Variants in UBE2D2 observed in about 807,000 individuals in gnomAD.
The protein encoded by UBE2D2 is ubiquitin conjugating enzyme E2 D2.
UBE2D2 carries 2 observed loss-of-function variants against 24.2 expected under a neutral mutation model. The observed-to-expected ratio is 0.08, with a 90% CI of 0.03 to 0.26. The LOEUF (loss-of-function observed/expected upper bound fraction) is 0.26. Among genes scored for constraint, UBE2D2 ranks in the 10% least tolerant of loss-of-function variants. The probability of loss-of-function intolerance (pLI) is 1.00; values close to 1 mark genes in which losing one functional copy is unlikely to be tolerated. For missense variants in UBE2D2, 44 were observed against 177.6 expected (o/e 0.25, Z 4.28); for synonymous variants, 58 against 56.5 (o/e 1.03, Z -0.12).
intron 1 of UBE2D2, chr5:139,599,455 G>A (rs1754026472): frequency 6.6e-6 from 1 of 151,574 alleles, no homozygotes; most frequent in Non-Finnish European, 1.5e-5. Flanking sequence ...AAACAATTTT[G>A]GCCAGGCGCG....
At chr5:139,528,978 G>A (rs763599346) in intron 1 of UBE2D2, among the ~76,000 whole-genome samples, 7 of 152,188 alleles carry the variant, frequency 4.6e-5, no homozygotes, top group Non-Finnish European at 7.3e-5. Flanking sequence ...CATGGCCGAA[G>A]CATGAGGAAA....
At chr5:139,580,614 T>C (rs1471188553) in intron 1 of UBE2D2, among the ~76,000 whole-genome samples, 1 of 152,066 alleles carries the variant, frequency 6.6e-6, no homozygotes, top group Non-Finnish European at 1.5e-5. Context: ...ACCCGGCTAA[T>C]TTCTTGTATT....
intron 1 of UBE2D2, among the ~76,000 whole-genome samples, chr5:139,587,520 A>T (rs978110810): frequency 2.6e-5 from 4 of 151,994 alleles, no homozygotes; most frequent in African/African-American, 9.7e-5. Context: ...CTCTACTAAA[A>T]ATAAAAAAAA....
chr5:139,620,885 G>T (rs1188694901), intron 5 of UBE2D2, among the ~76,000 whole-genome samples: 1 of 152,208 alleles, frequency 6.6e-6, no homozygotes, highest in Non-Finnish European at 1.5e-5. Context: ...TTTGTCAGAG[G>T]CTACTGAACT....
chr5:139,561,029 C>G (rs1349002779), upstream of UBE2D2: 2 of 152,750 alleles, frequency 1.3e-5, no homozygotes, highest in East Asian at 3.8e-4. Context: ...GTCGTGAGAT[C>G]TGGACAACAT....
At chr5:139,539,073 G>A (rs1752723261) in intron 1 of UBE2D2, among the ~76,000 whole-genome samples, 1 of 151,870 alleles carries the variant, frequency 6.6e-6, no homozygotes, top group South Asian at 2.1e-4. Flanking sequence ...CGCCCAGGCT[G>A]GAGTGCAGTG....
chr5:139,623,702 T>A (rs1754561709), intron 6 of UBE2D2: 1 of 351,342 alleles, frequency 2.8e-6, no homozygotes, highest in Non-Finnish European at 5.2e-6. Context: ...TTTTGTTTGT[T>A]TTTTTTTGAG....
intron 1 of UBE2D2, among the ~76,000 whole-genome samples, chr5:139,581,088 G>T (rs1420834375): frequency 6.6e-6 from 1 of 152,140 alleles, no homozygotes; most frequent in South Asian, 2.1e-4. Context: ...GGGGAGGAGA[G>T]GATGGGAAGA....
intron 1 of UBE2D2, among the ~76,000 whole-genome samples, chr5:139,541,209 A>G (rs1409499554): frequency 8.6e-5 from 13 of 151,214 alleles, no homozygotes; most frequent in Non-Finnish European, 1.8e-4. Flanking sequence ...GAGGCAGGAG[A>G]ATCACTTGAA....
At chr5:139,544,433 C>T (rs1014244292) in intron 1 of UBE2D2, among the ~76,000 whole-genome samples, 14 of 151,318 alleles carry the variant, frequency 9.3e-5, no homozygotes, top group Non-Finnish European at 1.9e-4. Flanking sequence ...GGATTACAGG[C>T]GTCCACCACA....
intron 1 of UBE2D2, among the ~76,000 whole-genome samples, chr5:139,531,988 GT>G (rs897368316): frequency 1.1e-4 from 16 of 148,456 alleles, no homozygotes; most frequent in South Asian, 2.1e-4. Flanking sequence ...TCCTGGTTGT[GT>G]TTTTTTTTTA....
At position 139,600,402 on chromosome 5, in the gene UBE2D2, G is replaced by T; in HGVS notation, c.55G>T (p.Ala19Ser). 1 of 1,614,102 alleles carries T rather than the reference G, an allele frequency of 6.2e-7. No individual in the cohort carries two copies. Among genetic ancestry groups the T allele is most frequent in the East Asian group, 2.2e-5 (1 of 44,870 alleles). The change falls in exon 2 of 7, where the codon GCA (alanine) becomes TCA (serine). Residue 19 changes from alanine to serine, a missense_variant. Coordinates refer to ENST00000398733, the MANE Select transcript of UBE2D2 (RefSeq NM_003339.3). Reference protein sequence around the residue: ...ELNDLARDPPAQCSAGPVGDD... With the variant: ...ELNDLARDPPSQCSAGPVGDD... ...GAATGATCTGGCACGGGACCCTCCA[G>T]CACAGTGTTCAGCAGGTCCTGTTGG... is the stretch of plus-strand genomic sequence containing the variant.
chr5:139,594,214 G>A (rs1025660554), intron 1 of UBE2D2, among the ~76,000 whole-genome samples: 1 of 152,086 alleles, frequency 6.6e-6, no homozygotes, highest in Non-Finnish European at 1.5e-5. Context: ...GTAAAGAAGC[G>A]TTAATTTTTA....
rs186755823 is a variant in UBE2D2 at position 139,528,675 on chromosome 5, A to C, written c.-64+2063A>C. Among the ~76,000 whole-genome samples the C allele has an allele frequency of 2.1e-3, 323 of 152,324 alleles. 1 individual carries two copies. The highest frequency in any genetic ancestry group is 7.3e-3 in the African/African-American group (305 of 41,580). On this transcript the variant is annotated intron_variant, in intron 1 of 6. Transcript: ENST00000511725. ...GAAACCATTAGCTAATGAATGCTAG[A>C]CTAACTAGATACCAAAGCTTGCTCT...
chr5:139,582,266 A>AT (rs112910161), intron 1 of UBE2D2, among the ~76,000 whole-genome samples: 10,534 of 139,400 alleles, frequency 0.076, 438 homozygotes, highest in South Asian at 0.12. Context: ...GCCTTACACA[A>AT]TTTTTTTTTT....
chr5:139,594,896 G>A (rs1240712888), intron 1 of UBE2D2, among the ~76,000 whole-genome samples: 1 of 152,122 alleles, frequency 6.6e-6, no homozygotes, highest in Non-Finnish European at 1.5e-5. Flanking sequence ...AAATGGCATA[G>A]TATTTGCGTA....
At chr5:139,606,634 C>A (rs1754206663) in intron 2 of UBE2D2, among the ~76,000 whole-genome samples, 1 of 152,076 alleles carries the variant, frequency 6.6e-6, no homozygotes, top group Non-Finnish European at 1.5e-5. Flanking sequence ...TTTTTACTAT[C>A]AAAACTTTTT....
At chr5:139,610,646 G>A (rs567679751) in intron 2 of UBE2D2, among the ~76,000 whole-genome samples, 31 of 152,094 alleles carry the variant, frequency 2.0e-4, no homozygotes, top group Non-Finnish European at 3.8e-4. Flanking sequence ...GCTGAGGTGA[G>A]GGGATTGCTT....
At chr5:139,610,654 C>T (rs1296529081) in intron 2 of UBE2D2, among the ~76,000 whole-genome samples, 2 of 151,588 alleles carry the variant, frequency 1.3e-5, no homozygotes, top group Non-Finnish European at 2.9e-5. Context: ...GAGGGGATTG[C>T]TTGAGCATAG....
Sources: gnomAD v4.1 joint callset for allele counts (sites outside exome capture counted in the v4.1 genomes callset) on GRCh38, gnomAD v4.1.1 for gene constraint, MANE v1.5 for transcripts, NCBI Gene and HGNC (gene_info 2026-07-23, HGNC 2026-07-21) for gene names.